Variants in SLC2A8 observed in about 807,000 individuals in gnomAD.
SLC2A8 encodes solute carrier family 2, facilitated glucose transporter member 8.
SLC2A8 carries 53 observed loss-of-function variants against 49.2 expected under a neutral mutation model. The ratio of observed to expected loss-of-function variants is 1.08; its 90% confidence interval spans 0.86 to 1.35. The LOEUF (loss-of-function observed/expected upper bound fraction) is 1.35, where lower values mean the gene tolerates loss of function less well. SLC2A8 is among the 40% of genes most tolerant of loss of function. SLC2A8 has a pLI of 0.00. For synonymous variants in SLC2A8, 299 were observed against 297.0 expected (o/e 1.01, Z -0.07); for missense variants, 688 against 671.7 (o/e 1.02, Z -0.27).
At chr9:127,401,899 C>T (rs952686473) in intron 4 of SLC2A8, among the ~76,000 whole-genome samples, 4 of 152,200 alleles carry the variant, frequency 2.6e-5, no homozygotes, top group Admixed American at 1.3e-4. Context: ...ATTAGAGCAG[C>T]AATGCCCTAG....
Position 127,397,275 on chromosome 9 carries a change from T to TA in SLC2A8, c.45_46insA (p.Pro16ThrfsTer38). 1.4e-6 allele frequency: 2 copies of TA among 1,398,114 alleles called. No individual in the cohort carries two copies. Among genetic ancestry groups the TA allele is most frequent in the Non-Finnish European group, 1.8e-6 (2 of 1,086,584 alleles). The allele number at this position is 1,398,114 out of a possible 1,614,324, so 86.6% of individuals were successfully genotyped here. ...AGGAAACCCAGCCGCTTCTGGGGCC[T>TA]CCTGGCGGCAGGTGAGCTCCGGGGA... On this transcript the variant is annotated frameshift_variant, in exon 1 of 10. Transcript: ENST00000373371. LOFTEE classifies it high-confidence loss of function.
In SLC2A8 at chr9:127,398,100, C is replaced by A; in HGVS notation, c.415C>A (p.Leu139Ile). ...LTGLACGVAS[L>I]VAPVYISEIA... The stretch of plus-strand genomic sequence containing the variant: ...CGGCCTGGCCTGCGGTGTTGCCTCC[C>A]TAGTGGCCCCGGTGAGTGTCCCGTC... Residue 139 changes from leucine to isoleucine, a missense_variant, in exon 3 of 10, where the codon CTA becomes ATA. Coordinates refer to ENST00000373371, the MANE Select transcript of SLC2A8 (RefSeq NM_014580.5). The A allele has an allele frequency of 6.3e-7, 1 of 1,578,438 alleles. No individual in the cohort carries two copies. Among genetic ancestry groups the A allele is most frequent in the Non-Finnish European group, 8.6e-7 (1 of 1,165,908 alleles).
chr9:127,397,612 G>GC (rs943873787), intron 2 of SLC2A8, 74 bp downstream of exon 2: 7 of 1,356,264 alleles, frequency 5.2e-6, no homozygotes, highest in African/African-American at 1.5e-5. Flanking sequence ...GGGACCCTCC[G>GC]CCCCCCACCC....
At chr9:127,398,137 C>G in intron 3 of SLC2A8, 26 bp downstream of exon 3, 2 of 1,561,082 alleles carry the variant, frequency 1.3e-6, no homozygotes, top group Non-Finnish European at 1.7e-6. Flanking sequence ...CTCGAGTGTC[C>G]TGTCTCGCGG....
chr9:127,400,696 C>T lies in SLC2A8; in HGVS notation c.526+690C>T, dbSNP rs114120375. Among the ~76,000 whole-genome samples, 513 of 152,154 alleles carry T rather than the reference C, an allele frequency of 3.4e-3. 2 individuals are homozygous for T. Among genetic ancestry groups the T allele is most frequent in the African/African-American group, 0.011 (456 of 41,492 alleles). ...GTCAGTGCCAGATTCACCATGTCGG[C>T]GAGTTGCAACGTGAAGGAGGCCGGG... On this transcript the variant is annotated intron_variant, in intron 4 of 9. Coordinates refer to ENST00000373371, the MANE Select transcript of SLC2A8 (RefSeq NM_014580.5).
At chr9:127,397,605 A>C (rs1833081194) in intron 2 of SLC2A8, 67 bp downstream of exon 2, 4 of 1,342,842 alleles carry the variant, frequency 3.0e-6, no homozygotes, top group South Asian at 3.6e-5. Context: ...GGGCATCGGG[A>C]CCCTCCGCCC....
chr9:127,407,151 G>A lies in SLC2A8; in HGVS notation c.1336G>A (p.Ala446Thr), dbSNP rs746688252. ...CTATGGAGCCTTCTGGCTTGCCTCCGCTTTCTGCATCTTCAGTGTCCTTTT... is the reference window on the plus strand; with the variant it reads ...CTATGGAGCCTTCTGGCTTGCCTCCACTTTCTGCATCTTCAGTGTCCTTTT... The part of the protein sequence containing the change: ...RPYGAFWLAS[A>T]FCIFSVLFTL... The change falls in exon 10 of 10, where the codon GCT becomes ACT. Residue 446 changes from alanine (A) to threonine (T), a missense_variant. Transcript: ENST00000373371. 5.6e-6 allele frequency: 9 copies of A among 1,613,616 alleles called. No homozygotes were observed. The highest frequency in any genetic ancestry group is 1.7e-4 in the Middle Eastern group (1 of 6,036).
chr9:127,398,758 C>G (rs1833149065), intron 3 of SLC2A8, among the ~76,000 whole-genome samples: 1 of 152,196 alleles, frequency 6.6e-6, no homozygotes, highest in African/African-American at 2.4e-5. Context: ...GGCATTAGCC[C>G]CTGAGGTAGT....
chr9:127,400,055 T>C, intron 4 of SLC2A8, 49 bp downstream of exon 4: 1 of 1,527,046 alleles, frequency 6.5e-7, no homozygotes, highest in South Asian at 1.1e-5. Context: ...ATGTGGCCAT[T>C]TTACAGATGT....
chr9:127,406,841 G>C (rs1298236598), intron 9 of SLC2A8, among the ~76,000 whole-genome samples: 4 of 152,202 alleles, frequency 2.6e-5, no homozygotes, highest in African/African-American at 9.7e-5. Flanking sequence ...CGGGTCTCTG[G>C]CCTTGAGGCA....
Position 127,399,820 on chromosome 9 carries a change from A to T in SLC2A8, c.427-87A>T. ...AGTCTCAAACTCCCAACCTCTGGTGATCTGCCCGCCTCGGCCTCCCAGAGT... is the reference window on the plus strand; with the variant it reads ...AGTCTCAAACTCCCAACCTCTGGTGTTCTGCCCGCCTCGGCCTCCCAGAGT... On this transcript the variant is annotated intron_variant, in intron 3 of 9. Transcript: ENST00000373371. This position sits in a 1 kb window ranked among gnomAD's most constrained non-coding sequence, Gnocchi z 4.2. 2.7e-6 allele frequency: 3 copies of T among 1,103,284 alleles called. No individual in the cohort carries two copies. The highest frequency in any genetic ancestry group is 2.6e-5 in the South Asian group (2 of 76,752). The allele number at this position is 1,103,284 out of a possible 1,614,324, so 68.3% of individuals were successfully genotyped here.
chr9:127,407,054 C>G (rs1337658545), intron 9 of SLC2A8, 58 bp from the exon 10 acceptor site: 3 of 1,594,872 alleles, frequency 1.9e-6, no homozygotes, highest in Non-Finnish European at 2.6e-6. Flanking sequence ...TCTCAGTGAT[C>G]GCGTGGGGCT....
intron 7 of SLC2A8, 146 bp downstream of exon 7, chr9:127,404,213 C>T: frequency 1.6e-6 from 1 of 617,484 alleles, no homozygotes; most frequent in Non-Finnish European, 2.8e-6. Flanking sequence ...AGCTTGTCAC[C>T]AAGCACTCAC....
intron 4 of SLC2A8, chr9:127,402,299 A>C: frequency 2.2e-6 from 1 of 448,974 alleles, no homozygotes; most frequent in Non-Finnish European, 3.9e-6. Context: ...TTGTGGCTAC[A>C]TAAATGTTTC....
Position 127,399,922 on chromosome 9 carries a change from A to G in SLC2A8, c.442A>G (p.Ile148Val). ...TTGCTGGCAGGTCTACATCTCCGAA[A>G]TCGCCTACCCAGCAGTCCGGGGGTT... ...SLVAPVYISE[I>V]AYPAVRGLLG... The change falls in exon 4 of 10, where the codon ATC (isoleucine) becomes GTC (valine). Residue 148 changes from isoleucine (I) to valine (V), a missense_variant. Ile to Val is a conservative substitution (Grantham distance 29). Coordinates refer to ENST00000373371, the MANE Select transcript of SLC2A8 (RefSeq NM_014580.5). The surrounding 1 kb of genome is among the most constrained non-coding windows in gnomAD (Gnocchi z 4.2). 1 of 1,613,584 alleles carries G rather than the reference A, an allele frequency of 6.2e-7. No homozygotes were observed. Among genetic ancestry groups the G allele is most frequent in the Non-Finnish European group, 8.5e-7 (1 of 1,179,770 alleles).
rs755936575 is a variant in SLC2A8, at chr9:127,403,975, C to T, written c.884C>T (p.Ser295Leu). ...EAKFKDSSLA[S>L]VVVGVIQVLF... The stretch of plus-strand genomic sequence containing the variant: ...CTCCCCCAGGACAGCAGCCTGGCCT[C>T]GGTCGTCGTGGGTGTCATCCAGGTG... The change falls in exon 7 of 10, where the codon TCG (serine) becomes TTG (leucine). Residue 295 changes from serine (S) to leucine (L), a missense_variant. Transcript: ENST00000373371. The T allele has an allele frequency of 8.1e-6, 13 of 1,610,852 alleles. No individual in the cohort carries two copies. Among genetic ancestry groups the T allele is most frequent in the African/African-American group, 1.3e-5 (1 of 74,878 alleles).
chr9:127,397,491 G>A lies in SLC2A8; in HGVS notation c.172G>A (p.Ala58Thr). 6.9e-7 allele frequency: 1 copy of A among 1,458,724 alleles called. No homozygotes were observed. The highest frequency in any genetic ancestry group is 9.0e-7 in the Non-Finnish European group (1 of 1,115,212). The allele number at this position is 1,458,724 out of a possible 1,614,324, so 90.4% of individuals were successfully genotyped here. A position where few individuals can be genotyped will look rare whatever the true frequency, so the allele number is the denominator to read the frequency against. ...SPAIPSLQRAAPPAPRLDDAA... is the reference protein window; with the variant it reads ...SPAIPSLQRATPPAPRLDDAA... ...GGCCATCCCTAGCCTGCAGCGCGCC[G>A]CGCCCCCGGCCCCGCGCCTGGACGA... is the stretch of plus-strand genomic sequence containing the variant. The change falls in exon 2 of 10, where the codon GCG becomes ACG. Residue 58 changes from alanine (A) to threonine (T), a missense_variant. By Grantham distance (58) the Ala-to-Thr change is moderately conservative. Transcript: ENST00000373371.
At position 127,400,292 on chromosome 9, in the gene SLC2A8, G is replaced by A. The variant is rs148097445; in HGVS notation, c.526+286G>A. Among the ~76,000 whole-genome samples, 762 of 151,694 alleles carry A rather than the reference G, an allele frequency of 5.0e-3. 6 individuals are homozygous for A. The highest frequency in any genetic ancestry group is 0.018 in the African/African-American group (728 of 41,302). ...CCTGTCTCAGCTTCCCAAGTAGCTG[G>A]GACTACAGGCATGTGCCACCACACC... On this transcript the variant is annotated intron_variant, in intron 4 of 9. Coordinates refer to ENST00000373371, the MANE Select transcript of SLC2A8 (RefSeq NM_014580.5).
At chr9:127,402,858 G>A (rs1004774972) in intron 5 of SLC2A8, 105 bp downstream of exon 5, 64 of 1,335,724 alleles carry the variant, frequency 4.8e-5, no homozygotes, top group East Asian at 1.6e-4. Context: ...GGACAGGGAG[G>A]TGCCTATCCA....
Sources: gnomAD v4.1 joint callset for allele counts (sites outside exome capture counted in the v4.1 genomes callset) on GRCh38, gnomAD v4.1.1 for gene constraint, Gnocchi (gnomAD v3.1) non-coding constraint, MANE v1.5 for transcripts, NCBI Gene and HGNC (gene_info 2026-07-23, HGNC 2026-07-21) for gene names.